EVA1C: variants seen among roughly 807,000 people sequenced by gnomAD.
The protein encoded by EVA1C is protein eva-1 homolog C.
Under a neutral mutation model 45.4 loss-of-function variants are expected in EVA1C, and 25 were observed. That is an observed-to-expected ratio of 0.55 (90% confidence interval 0.40 to 0.77). The LOEUF (loss-of-function observed/expected upper bound fraction) is 0.77. Among genes scored for constraint, EVA1C ranks in the 30% least tolerant of loss-of-function variants. The probability of loss-of-function intolerance (pLI) is 0.00; values close to 1 mark genes in which losing one functional copy is unlikely to be tolerated. For synonymous variants in EVA1C, 190 were observed against 221.2 expected, an observed-to-expected ratio of 0.86 and a Z score of 1.25; for missense variants, 479 against 554.8, an observed-to-expected ratio of 0.86 and a Z score of 1.37.
At position 32,457,607 on chromosome 21, in the gene EVA1C, A is replaced by G. The variant is rs1183197893; in HGVS notation, c.368A>G (p.Asp123Gly). Reference sequence around the variant, plus strand: ...ACCCTCTCCTTCTAGAAGGTGCTGGACGAATGCCAGAACCAGCGGGCCTGC... The same window carrying G: ...ACCCTCTCCTTCTAGAAGGTGCTGGGCGAATGCCAGAACCAGCGGGCCTGC... ...VAATTFQKVL[D>G]ECQNQRACHL... The change falls in exon 3 of 8, where the codon GAC becomes GGC. Residue 123 changes from aspartate (D) to glycine (G), a missense_variant. By Grantham distance (94) the Asp-to-Gly change is moderately conservative (BLOSUM62 -1). Coordinates refer to ENST00000300255, the MANE Select transcript of EVA1C (RefSeq NM_058187.5). 4.3e-6 allele frequency: 7 copies of G among 1,614,192 alleles called. No homozygotes were observed. Among genetic ancestry groups the G allele is most frequent in the Non-Finnish European group, 5.1e-6 (6 of 1,180,028 alleles).
Position 32,421,389 on chromosome 21 carries a change from A to C in EVA1C, c.160+8376A>C, listed in dbSNP as rs537803343. Among the ~76,000 whole-genome samples the C allele has an allele frequency of 1.7e-4, 26 of 152,336 alleles. No individual in the cohort carries two copies. The South Asian group carries it at 5.4e-3, about 32-fold the overall frequency. On this transcript the variant is annotated intron_variant, in intron 1 of 7. Coordinates refer to ENST00000300255, the MANE Select transcript of EVA1C (RefSeq NM_058187.5). ...TAAGCCTTCATTAAAAGGTGGATGTAAAACAAATCAGCCTTCTTGTAAAGA... is the reference window on the plus strand; with the variant it reads ...TAAGCCTTCATTAAAAGGTGGATGTCAAACAAATCAGCCTTCTTGTAAAGA...
chr21:32,476,328 T>G (rs1017439978), intron 4 of EVA1C, among the ~76,000 whole-genome samples: 1 of 152,110 alleles, frequency 6.6e-6, no homozygotes, highest in African/African-American at 2.4e-5. Flanking sequence ...TTTTTGATTC[T>G]GTGTATGTCA....
chr21:32,431,040 C>T (rs1601233477), intron 1 of EVA1C, among the ~76,000 whole-genome samples: 1 of 151,672 alleles, frequency 6.6e-6, no homozygotes, highest in Non-Finnish European at 1.5e-5. Context: ...AGACCCACCC[C>T]ATGATTCAGT....
At chr21:32,440,800 A>C (rs1010237543) in intron 1 of EVA1C, among the ~76,000 whole-genome samples, 9 of 152,158 alleles carry the variant, frequency 5.9e-5, no homozygotes, top group African/African-American at 2.2e-4. Context: ...TGTGTCATTC[A>C]TTCAAGAGCT....
intron 1 of EVA1C, among the ~76,000 whole-genome samples, chr21:32,425,709 C>A (rs2034464188): frequency 6.6e-6 from 1 of 152,112 alleles, no homozygotes; most frequent in Non-Finnish European, 1.5e-5. Context: ...TAGTTGAAAC[C>A]AGTGATTCTC....
chr21:32,487,116 C>T (rs1205560438), intron 4 of EVA1C, among the ~76,000 whole-genome samples: 4 of 152,142 alleles, frequency 2.6e-5, no homozygotes, highest in Non-Finnish European at 4.4e-5. Context: ...ATGAAAGGAA[C>T]GTCTTTTGTT....
chr21:32,431,150 G>A (rs139160554), intron 1 of EVA1C, among the ~76,000 whole-genome samples: 2,618 of 152,182 alleles, frequency 0.017, 20 homozygotes, highest in Middle Eastern at 0.048. Context: ...TTACTGAGCT[G>A]GGCATCTTCT....
At chr21:32,420,068 G>T (rs1303246604) in intron 1 of EVA1C, among the ~76,000 whole-genome samples, 1 of 152,168 alleles carries the variant, frequency 6.6e-6, no homozygotes, top group Non-Finnish European at 1.5e-5. Flanking sequence ...TCCCATGTGT[G>T]CACCACCGGC....
At position 32,475,897 on chromosome 21, in the gene EVA1C, A is replaced by ATCTATCTT. The variant is rs1555867958; in HGVS notation, c.634+8056_634+8057insTTCTATCT. Among the ~76,000 whole-genome samples the ATCTATCTT allele has an allele frequency of 2.0e-5, 3 of 150,810 alleles. No individual in the cohort carries two copies. The East Asian group carries it at 5.9e-4, about 29-fold the overall frequency. ...AAAAACTTTATCTATCTATCTATCT[A>ATCTATCTT]TCTATCTATCTATCTATCTATCTAT... On this transcript the variant is annotated intron_variant, in intron 4 of 7. Transcript: ENST00000300255.
At chr21:32,481,401 CTTTT>C (rs5843555) in intron 4 of EVA1C, among the ~76,000 whole-genome samples, 29 of 133,068 alleles carry the variant, frequency 2.2e-4, no homozygotes, top group African/African-American at 7.1e-4. Context: ...GAAACAGAAC[CTTTT>C]TTTTTTTTTT....
chr21:32,422,808 C>T (rs780730479), intron 1 of EVA1C, among the ~76,000 whole-genome samples: 3 of 152,160 alleles, frequency 2.0e-5, no homozygotes. Context: ...GGTGCAGTGG[C>T]TCACATCTGT....
At chr21:32,435,071 A>G (rs1293730314) in intron 1 of EVA1C, among the ~76,000 whole-genome samples, 1 of 152,292 alleles carries the variant, frequency 6.6e-6, no homozygotes, top group Non-Finnish European at 1.5e-5. Context: ...GTCACTTGAG[A>G]TAATAAAACC....
At chr21:32,493,818 G>A (rs1487804007) in intron 4 of EVA1C, 1 of 140,414 alleles carries the variant, frequency 7.1e-6, no homozygotes. Context: ...TTATTTATTT[G>A]AGACGCAGTC....
At chr21:32,469,573 C>T (rs1445980306) in intron 4 of EVA1C, among the ~76,000 whole-genome samples, 2 of 152,250 alleles carry the variant, frequency 1.3e-5, no homozygotes, top group East Asian at 1.9e-4. Context: ...CGATAGGATA[C>T]GCAGGTGCTT....
intron 4 of EVA1C, among the ~76,000 whole-genome samples, chr21:32,483,962 A>ATGTGTGTGTGTG (rs55688415): frequency 6.8e-6 from 1 of 147,232 alleles, no homozygotes; most frequent in African/African-American, 2.5e-5. Context: ...CTCACTGTTT[A>ATGTGTGTGTGTG]TGTGTGTGTG....
intron 4 of EVA1C, among the ~76,000 whole-genome samples, chr21:32,471,485 C>T (rs1251684598): frequency 1.3e-5 from 2 of 151,952 alleles, no homozygotes; most frequent in African/African-American, 4.8e-5. Flanking sequence ...GCCACCATGC[C>T]CAGCTAATTT....
At chr21:32,464,649 C>A (rs1457585290) in intron 3 of EVA1C, among the ~76,000 whole-genome samples, 1 of 151,972 alleles carries the variant, frequency 6.6e-6, no homozygotes, top group Non-Finnish European at 1.5e-5. Context: ...TGGTGAAACC[C>A]TGTCTCTACT....
chr21:32,427,627 C>T (rs917217854), intron 1 of EVA1C, among the ~76,000 whole-genome samples: 5 of 151,876 alleles, frequency 3.3e-5, no homozygotes, highest in Middle Eastern at 3.5e-3. Context: ...GCAGGAGAAT[C>T]GCTTGAACCT....
At chr21:32,467,913 T>C in intron 4 of EVA1C, 65 bp downstream of exon 4, 3 of 1,008,344 alleles carry the variant, frequency 3.0e-6, no homozygotes, top group African/African-American at 3.4e-5. Flanking sequence ...AGAATATATA[T>C]ATATATATCC....
Sources: gnomAD v4.1 joint callset for allele counts (sites outside exome capture counted in the v4.1 genomes callset) on GRCh38, gnomAD v4.1.1 for gene constraint, MANE v1.5 for transcripts, NCBI Gene and HGNC (gene_info 2026-07-23, HGNC 2026-07-21) for gene names.